Variants in PDZRN3 observed in about 807,000 individuals in gnomAD.
PDZRN3 encodes the protein E3 ubiquitin-protein ligase PDZRN3.
In PDZRN3, 38 loss-of-function variants were observed where a neutral mutation model predicts 85.7. The ratio of observed to expected loss-of-function variants is 0.44; its 90% CI spans 0.34 to 0.58. The LOEUF (loss-of-function observed/expected upper bound fraction) is 0.58, where lower values mean the gene tolerates loss of function less well. Among genes scored for constraint, PDZRN3 ranks in the 20% least tolerant of loss-of-function variants. PDZRN3 has a pLI of 0.01. For synonymous variants in PDZRN3, 759 were observed against 638.0 expected (o/e 1.19, Z -2.86); for missense variants, 1,629 against 1,506.4 (o/e 1.08, Z -1.35).
At chr3:73,463,952 T>TA (rs1228369952) in intron 3 of PDZRN3, among the ~76,000 whole-genome samples, 9 of 151,814 alleles carry the variant, frequency 5.9e-5, no homozygotes, top group South Asian at 2.1e-4. Flanking sequence ...TTAAAAGTTT[T>TA]AAAAAAAAGT....
At chr3:73,608,536 C>A (rs1702636733) in intron 2 of PDZRN3, 62 bp downstream of exon 2, 1 of 1,158,150 alleles carries the variant, frequency 8.6e-7, no homozygotes, top group Non-Finnish European at 1.3e-6. Flanking sequence ...CCCCTTCAAA[C>A]CTTGACCTCT....
At chr3:73,400,826 G>A (rs893199731) in intron 5 of PDZRN3, 96 bp downstream of exon 5, 25 of 865,134 alleles carry the variant, frequency 2.9e-5, no homozygotes, top group South Asian at 8.3e-5. Flanking sequence ...ACTTTCCATC[G>A]GCATCCGTAA....
At chr3:73,611,253 C>T (rs1702681037) in intron 1 of PDZRN3, among the ~76,000 whole-genome samples, 4 of 152,108 alleles carry the variant, frequency 2.6e-5, no homozygotes, top group Admixed American at 2.6e-4. Flanking sequence ...AACAAAATTC[C>T]AAACTGTTTA....
chr3:73,419,381 T>C (rs142749985), intron 3 of PDZRN3, among the ~76,000 whole-genome samples: 1 of 152,280 alleles, frequency 6.6e-6, no homozygotes, highest in Non-Finnish European at 1.5e-5. Context: ...AGTTATCAAG[T>C]GTGCCCAGCT....
At chr3:73,451,645 G>A (rs1227287699) in intron 3 of PDZRN3, among the ~76,000 whole-genome samples, 2 of 152,112 alleles carry the variant, frequency 1.3e-5, no homozygotes, top group African/African-American at 4.8e-5. Context: ...CCAACTACCT[G>A]GCTAAATGCT....
chr3:73,589,066 G>C (rs1175240450), intron 3 of PDZRN3, among the ~76,000 whole-genome samples: 1 of 109,980 alleles, frequency 9.1e-6, no homozygotes, highest in Admixed American at 9.5e-5. Context: ...TTTTTTTTTT[G>C]AGACAGAGTC....
At chr3:73,465,810 T>C (rs1703201785) in intron 3 of PDZRN3, among the ~76,000 whole-genome samples, 1 of 152,248 alleles carries the variant, frequency 6.6e-6, no homozygotes, top group South Asian at 2.1e-4. Context: ...TAGTCTGATA[T>C]ACCATAAGTT....
intron 3 of PDZRN3, among the ~76,000 whole-genome samples, chr3:73,527,969 C>G (rs897412193): frequency 6.6e-6 from 1 of 152,234 alleles, no homozygotes; most frequent in Admixed American, 6.5e-5. Flanking sequence ...CTCATGAGGT[C>G]TCTCTGTGCT....
At chr3:73,534,116 G>T (rs1275461722) in intron 3 of PDZRN3, among the ~76,000 whole-genome samples, 1 of 152,100 alleles carries the variant, frequency 6.6e-6, no homozygotes, top group East Asian at 1.9e-4. Flanking sequence ...TTAATAATAG[G>T]TTTTTTTGAA....
Position 73,384,794 on chromosome 3 carries a change from T to A in PDZRN3, c.1772A>T (p.Asp591Val). The A allele has an allele frequency of 2.5e-6, 4 of 1,614,014 alleles. No individual in the cohort carries two copies. The highest frequency in any genetic ancestry group is 3.4e-6 in the Non-Finnish European group (4 of 1,180,038). The change falls in exon 10 of 10, where the codon GAC becomes GTC. Residue 591 changes from aspartate to valine, a missense_variant. By Grantham distance (152) the Asp-to-Val change is radical (BLOSUM62 -3). Transcript: ENST00000263666. ...DESSEQENNGDDATASSNPLA... is the reference protein window; with the variant it reads ...DESSEQENNGVDATASSNPLA... ...CGGGTTGGAGGATGCGGTGGCGTCG[T>A]CGCCATTGTTCTCTTGCTCCGAGCT...
intron 3 of PDZRN3, chr3:73,434,032 G>T (rs895788239): frequency 6.7e-6 from 6 of 890,006 alleles, no homozygotes; most frequent in African/African-American, 5.1e-5. Flanking sequence ...ATATACTGCT[G>T]CTCATGCATA....
chr3:73,618,275 A>G (rs1702796193), intron 1 of PDZRN3, among the ~76,000 whole-genome samples: 1 of 152,198 alleles, frequency 6.6e-6, no homozygotes, highest in Non-Finnish European at 1.5e-5. Flanking sequence ...TAATGCATGT[A>G]CACCTCCAAT....
At chr3:73,425,517 T>C (rs12495470) in intron 3 of PDZRN3, among the ~76,000 whole-genome samples, 46,821 of 151,494 alleles carry the variant, frequency 0.31, 8,806 homozygotes, top group East Asian at 0.74. Flanking sequence ...GTGACTGATA[T>C]AATCCTGTGA....
At chr3:73,405,212 C>T (rs549771824) in intron 3 of PDZRN3, among the ~76,000 whole-genome samples, 25 of 152,332 alleles carry the variant, frequency 1.6e-4, no homozygotes, top group Non-Finnish European at 2.8e-4. Context: ...GAACGTTGGA[C>T]GCGGTGTCCA....
intron 3 of PDZRN3, among the ~76,000 whole-genome samples, chr3:73,448,979 T>C (rs1702805577): frequency 6.6e-6 from 1 of 152,148 alleles, no homozygotes; most frequent in Non-Finnish European, 1.5e-5. Flanking sequence ...ATGGTTGGAG[T>C]CACAAGACTG....
intron 5 of PDZRN3, among the ~76,000 whole-genome samples, chr3:73,395,258 T>A (rs1701611788): frequency 6.6e-6 from 1 of 152,228 alleles, no homozygotes; most frequent in African/African-American, 2.4e-5. Flanking sequence ...CTCATCTAGT[T>A]TTACACAATT....
At chr3:73,456,593 C>T (rs189559419) in intron 3 of PDZRN3, among the ~76,000 whole-genome samples, 1 of 152,228 alleles carries the variant, frequency 6.6e-6, no homozygotes, top group African/African-American at 2.4e-5. Flanking sequence ...ACAGTTTTTC[C>T]CCTGAAGAAT....
At chr3:73,433,955 T>A in intron 3 of PDZRN3, 1 of 1,334,216 alleles carries the variant, frequency 7.5e-7, no homozygotes, top group Non-Finnish European at 9.6e-7. Context: ...CACACAGACA[T>A]ACACGCACAC....
chr3:73,504,973 G>T (rs147879462), intron 3 of PDZRN3, among the ~76,000 whole-genome samples: 56 of 152,326 alleles, frequency 3.7e-4, no homozygotes, highest in African/African-American at 1.3e-3. Context: ...GAATGTGCTT[G>T]TGATAGGAAA....
Sources: gnomAD v4.1 joint callset for allele counts (sites outside exome capture counted in the v4.1 genomes callset) on GRCh38, gnomAD v4.1.1 for gene constraint, MANE v1.5 for transcripts, NCBI Gene and HGNC (gene_info 2026-07-23, HGNC 2026-07-21) for gene names.